The following SPOPL variants were observed in gnomAD, a reference collection of about 807,000 sequenced individuals.
The protein encoded by SPOPL is speckle-type POZ protein-like.
A neutral mutation model predicts 53.8 loss-of-function variants in SPOPL; 23 were observed. The ratio of observed to expected loss-of-function variants is 0.43; its 90% confidence interval spans 0.31 to 0.61. SPOPL has a LOEUF of 0.61. Ranked by LOEUF, SPOPL falls within the 20% of genes least tolerant of loss-of-function variation. The pLI, the probability that SPOPL is intolerant of heterozygous loss-of-function variation, is 0.12. For synonymous variants in SPOPL, 164 were observed against 149.7 expected, an observed-to-expected ratio of 1.10 and a Z score of -0.70; for missense variants, 442 against 466.9, an observed-to-expected ratio of 0.95 and a Z score of 0.49.
At chr2:138,503,834 T>C (rs980682027) in intron 1 of SPOPL, among the ~76,000 whole-genome samples, 1 of 152,242 alleles carries the variant, frequency 6.6e-6, no homozygotes, top group Non-Finnish European at 1.5e-5. Context: ...TTCATACTCA[T>C]CTGACCTTTA....
chr2:138,527,234 G>A (rs1188587258), intron 1 of SPOPL, among the ~76,000 whole-genome samples: 2 of 151,964 alleles, frequency 1.3e-5, no homozygotes, highest in African/African-American at 2.4e-5. Context: ...AGTTGATGAG[G>A]CCTGTCTATG....
chr2:138,555,461 A>ATT (rs553891894), intron 5 of SPOPL, among the ~76,000 whole-genome samples: 3 of 150,264 alleles, frequency 2.0e-5, no homozygotes, highest in Admixed American at 6.7e-5. Context: ...CTGTCACCAG[A>ATT]TTTTTTTTTT....
chr2:138,517,285 G>A (rs1404840259), intron 1 of SPOPL, among the ~76,000 whole-genome samples: 8 of 152,148 alleles, frequency 5.3e-5, no homozygotes, highest in East Asian at 1.9e-4. Context: ...TTGTGGAATC[G>A]ATGCATATCT....
At chr2:138,548,486 T>G (rs1685245635) in intron 1 of SPOPL, among the ~76,000 whole-genome samples, 1 of 152,038 alleles carries the variant, frequency 6.6e-6, no homozygotes. Flanking sequence ...TATTATACTA[T>G]TTATATTCCC....
chr2:138,550,827 T>TTCTCTCTC (rs66690846), intron 3 of SPOPL, 76 bp from the exon 4 acceptor site: 33,041 of 1,359,074 alleles, frequency 0.024, 286 homozygotes, highest in East Asian at 0.13. Flanking sequence ...CTCTCTCTCT[T>TTCTCTCTC]TCTCTCTCTC....
At chr2:138,539,657 G>T (rs1386968304) in intron 1 of SPOPL, among the ~76,000 whole-genome samples, 3 of 152,132 alleles carry the variant, frequency 2.0e-5, no homozygotes, top group Non-Finnish European at 4.4e-5. Context: ...TTAGCCCTTT[G>T]TCAGATGAGT....
At chr2:138,548,692 A>G (rs767543871) in intron 1 of SPOPL, among the ~76,000 whole-genome samples, 33 of 152,024 alleles carry the variant, frequency 2.2e-4, no homozygotes, top group Non-Finnish European at 3.8e-4. Context: ...AATTAGTTAT[A>G]TGTGCTATAT....
chr2:138,534,768 C>A (rs949911264), intron 1 of SPOPL, among the ~76,000 whole-genome samples: 3 of 152,110 alleles, frequency 2.0e-5, no homozygotes, highest in African/African-American at 7.2e-5. Context: ...TTACCATTTC[C>A]CCCTCCCCAC....
At chr2:138,524,925 A>G (rs1684636601) in intron 1 of SPOPL, among the ~76,000 whole-genome samples, 1 of 151,312 alleles carries the variant, frequency 6.6e-6, no homozygotes, top group Non-Finnish European at 1.5e-5. Flanking sequence ...CCAAATTCCC[A>G]CATTTTCCTG....
intron 1 of SPOPL, among the ~76,000 whole-genome samples, chr2:138,502,423 T>A (rs1043048999): frequency 6.6e-6 from 1 of 152,228 alleles, no homozygotes; most frequent in African/African-American, 2.4e-5. Flanking sequence ...GCCTCGCCCC[T>A]TCTTTTCCTC....
intron 7 of SPOPL, among the ~76,000 whole-genome samples, chr2:138,560,391 G>C (rs1326736711): frequency 6.6e-6 from 1 of 151,786 alleles, no homozygotes; most frequent in African/African-American, 2.4e-5. Flanking sequence ...TTAGAATACT[G>C]GTCAGAAACT....
intron 1 of SPOPL, among the ~76,000 whole-genome samples, chr2:138,521,606 G>A (rs544641628): frequency 2.3e-3 from 344 of 152,186 alleles, no homozygotes; most frequent in African/African-American, 7.6e-3. Context: ...CAAGGCAGCA[G>A]TAAACAGAGG....
At chr2:138,557,410 G>C (rs888742318) in intron 5 of SPOPL, among the ~76,000 whole-genome samples, 5 of 152,186 alleles carry the variant, frequency 3.3e-5, no homozygotes, top group Admixed American at 1.3e-4. Flanking sequence ...CTTTAGAAGT[G>C]TGTATTCATT....
At chr2:138,547,031 T>A (rs758536702) in intron 1 of SPOPL, among the ~76,000 whole-genome samples, 3 of 152,196 alleles carry the variant, frequency 2.0e-5, no homozygotes, top group Non-Finnish European at 4.4e-5. Flanking sequence ...AGTGGTGCGA[T>A]CTTGCCTCAC....
chr2:138,551,857 T>C (rs1022264842), intron 4 of SPOPL, among the ~76,000 whole-genome samples: 1 of 152,112 alleles, frequency 6.6e-6, no homozygotes, highest in Non-Finnish European at 1.5e-5. Context: ...TCTTGTTTAC[T>C]GCCTAGTATA....
intron 1 of SPOPL, among the ~76,000 whole-genome samples, chr2:138,542,365 A>C (rs1358941683): frequency 6.6e-6 from 1 of 152,056 alleles, no homozygotes; most frequent in Non-Finnish European, 1.5e-5. Context: ...ATTGTGTGGG[A>C]GTCTAAGTCT....
rs147961789 is a variant in SPOPL, at chr2:138,536,414, A to G, written c.-60-13743A>G. Among the ~76,000 whole-genome samples the G allele has an allele frequency of 2.5e-3, 380 of 152,134 alleles. 3 individuals are homozygous for G. The highest frequency in any genetic ancestry group is 8.5e-3 in the African/African-American group (353 of 41,438). ...CACCTCTGGGGAAGCAGCCTTGGGT[A>G]TTCCCAGTTACCCTGGGTGATGGTG... On this transcript the variant is annotated intron_variant, in intron 1 of 10. Transcript: ENST00000280098.
At chr2:138,554,392 C>G (rs899241385) in intron 5 of SPOPL, 1 of 1,108,494 alleles carries the variant, frequency 9.0e-7, no homozygotes, top group Admixed American at 2.7e-5. Context: ...TCTTCATGCC[C>G]TCCACTGTTT....
chr2:138,547,777 G>A (rs964485253), intron 1 of SPOPL, among the ~76,000 whole-genome samples: 33 of 152,038 alleles, frequency 2.2e-4, no homozygotes, highest in Non-Finnish European at 2.1e-4. Flanking sequence ...GCAACTCAGT[G>A]CCTCCACCTG....
Sources: allele counts gnomAD v4.1 joint callset (sites outside exome capture counted in the v4.1 genomes callset), GRCh38; gene constraint gnomAD v4.1.1; transcripts MANE v1.5; gene names NCBI Gene and HGNC (gene_info 2026-07-23, HGNC 2026-07-21).